Variants in HCN1 observed in about 807,000 individuals in gnomAD.
HCN1 encodes potassium/sodium hyperpolarization-activated cyclic nucleotide-gated channel 1.
Under a neutral mutation model 78.9 loss-of-function variants are expected in HCN1, and 13 were observed. That is an observed-to-expected ratio of 0.16 (90% CI 0.11 to 0.26). The LOEUF (loss-of-function observed/expected upper bound fraction) is 0.26. Among genes scored for constraint, HCN1 ranks in the 10% least tolerant of loss-of-function variants. The pLI is 1.00. For synonymous variants in HCN1, 552 were observed against 455.5 expected (o/e 1.21, Z -2.70); for missense variants, 810 against 1,154.3 (o/e 0.70, Z 4.32).
Position 45,256,260 on chromosome 5 carries a change from C to A in HCN1, c.*5661G>T, listed in dbSNP as rs542381904. 6.6e-6 allele frequency: 1 copy of A among 151,820 alleles called. No individual in the cohort carries two copies. The highest frequency in any genetic ancestry group is 2.4e-5 in the African/African-American group (1 of 41,392). 9.4% of individuals were successfully genotyped at this position (151,820 alleles called of 1,614,324 possible). On this transcript the variant is annotated 3_prime_UTR_variant, in exon 8 of 8. Coordinates refer to ENST00000303230, the MANE Select transcript of HCN1 (RefSeq NM_021072.4). ...TGGTGGCGGGCACCTGTAATCCCAG[C>A]TACTCTGGAGGCTGATGCAGGAGAA...
At chr5:45,313,811 T>C (rs1375237782) in intron 5 of HCN1, among the ~76,000 whole-genome samples, 1 of 151,994 alleles carries the variant, frequency 6.6e-6, no homozygotes. Context: ...AAGAGAAGTT[T>C]AGAGAAAGAA....
chr5:45,508,316 T>C (rs758377982), intron 2 of HCN1, among the ~76,000 whole-genome samples: 1 of 152,094 alleles, frequency 6.6e-6, no homozygotes, highest in African/African-American at 2.4e-5. Context: ...CCACCTGTTT[T>C]ACAATCCAGG....
intron 2 of HCN1, among the ~76,000 whole-genome samples, chr5:45,593,569 G>C (rs1744429116): frequency 6.6e-6 from 1 of 151,876 alleles, no homozygotes; most frequent in Non-Finnish European, 1.5e-5. Flanking sequence ...CCTTGTTACT[G>C]CCAATATGAA....
intron 4 of HCN1, among the ~76,000 whole-genome samples, chr5:45,391,079 T>C (rs548510631): frequency 7.3e-6 from 1 of 137,242 alleles, no homozygotes; most frequent in East Asian, 1.9e-4. Flanking sequence ...TGCTGTAGCC[T>C]AATAAAAAAT....
At chr5:45,372,806 A>G (rs1377789305) in intron 4 of HCN1, among the ~76,000 whole-genome samples, 1 of 141,418 alleles carries the variant, frequency 7.1e-6, no homozygotes, top group African/African-American at 2.6e-5. Context: ...TACGTATTCT[A>G]TACACAAATA....
intron 2 of HCN1, among the ~76,000 whole-genome samples, chr5:45,510,769 A>C (rs1429498143): frequency 1.3e-5 from 2 of 152,104 alleles, no homozygotes; most frequent in African/African-American, 4.8e-5. Flanking sequence ...GAGTAGAAGA[A>C]GGGTATGTCT....
intron 3 of HCN1, among the ~76,000 whole-genome samples, chr5:45,428,137 A>G (rs906256898): frequency 1.3e-5 from 2 of 152,074 alleles, no homozygotes; most frequent in African/African-American, 2.4e-5. Context: ...ACATTAAAAG[A>G]ATTAAATAAG....
chr5:45,355,955 G>GCTTTTT (rs528374782), intron 4 of HCN1, among the ~76,000 whole-genome samples: 1 of 151,936 alleles, frequency 6.6e-6, no homozygotes, highest in Non-Finnish European at 1.5e-5. Flanking sequence ...AAAAACAGGA[G>GCTTTTT]CTTTTTCTTT....
intron 1 of HCN1, among the ~76,000 whole-genome samples, chr5:45,654,779 A>C (rs1398967023): frequency 6.6e-6 from 1 of 152,204 alleles, no homozygotes; most frequent in African/African-American, 2.4e-5. Flanking sequence ...AATTATGAAA[A>C]GAAAATAGTG....
chr5:45,317,636 A>C (rs540258496), intron 5 of HCN1, among the ~76,000 whole-genome samples: 280 of 152,276 alleles, frequency 1.8e-3, no homozygotes, highest in African/African-American at 6.3e-3. Flanking sequence ...CAACCTACAG[A>C]ATGGGAGAAA....
chr5:45,512,519 CAAT>C (rs1049398139), intron 2 of HCN1, among the ~76,000 whole-genome samples: 4 of 151,746 alleles, frequency 2.6e-5, no homozygotes, highest in African/African-American at 9.7e-5. Flanking sequence ...ATCATCTAGT[CAAT>C]AATTTAAATA....
intron 1 of HCN1, among the ~76,000 whole-genome samples, chr5:45,694,002 TGGG>T (rs1739959254): frequency 6.6e-6 from 1 of 152,168 alleles, no homozygotes; most frequent in Non-Finnish European, 1.5e-5. Context: ...ATATTTCCAT[TGGG>T]GACTGAGGAA....
chr5:45,530,178 T>A (rs1360756388), intron 2 of HCN1, among the ~76,000 whole-genome samples: 7 of 152,034 alleles, frequency 4.6e-5, no homozygotes, highest in Non-Finnish European at 8.8e-5. Flanking sequence ...GCTTCTCAGC[T>A]CTTTTTTTCA....
At chr5:45,572,951 T>C (rs1561205881) in intron 2 of HCN1, among the ~76,000 whole-genome samples, 1 of 152,172 alleles carries the variant, frequency 6.6e-6, no homozygotes, top group Non-Finnish European at 1.5e-5. Flanking sequence ...ACATTTCATT[T>C]TTTTTAAGGT....
chr5:45,625,720 G>C (rs1407724688), intron 2 of HCN1, among the ~76,000 whole-genome samples: 1 of 151,528 alleles, frequency 6.6e-6, no homozygotes, highest in South Asian at 2.1e-4. Context: ...GATCAATTCA[G>C]TGCGAATAAA....
chr5:45,598,100 A>C (rs1307590594), intron 2 of HCN1, among the ~76,000 whole-genome samples: 1 of 152,224 alleles, frequency 6.6e-6, no homozygotes, highest in East Asian at 1.9e-4. Context: ...AAGAGCCTGC[A>C]TTGCCAAGAC....
At chr5:45,582,328 TG>T (rs1201365960) in intron 2 of HCN1, among the ~76,000 whole-genome samples, 1 of 152,142 alleles carries the variant, frequency 6.6e-6, no homozygotes, top group Non-Finnish European at 1.5e-5. Flanking sequence ...GTTTGTCTGT[TG>T]TTGGTGTATA....
chr5:45,262,323 T>G lies in HCN1; in HGVS notation c.2271A>C (p.Thr757=), dbSNP rs1241849862. The change falls in exon 8 of 8, where the codon ACA becomes ACC. Residue 757 remains threonine (T), a synonymous_variant. Coordinates refer to ENST00000303230, the MANE Select transcript of HCN1 (RefSeq NM_021072.4). The part of the protein sequence containing the change: ...QPQQPSPQPQ[T]PGSSTPKNEV... ...CATTTTTCGGCGTGGAGCTGCCAGG[T>G]GTCTGTGGCTGCGGGGACGGCTGCT... The G allele has an allele frequency of 1.2e-6, 2 of 1,613,660 alleles. No homozygotes were observed. The highest frequency in any genetic ancestry group is 8.5e-7 in the Non-Finnish European group (1 of 1,179,982).
chr5:45,648,393 C>T (rs1425133462), intron 1 of HCN1, among the ~76,000 whole-genome samples: 1 of 151,500 alleles, frequency 6.6e-6, no homozygotes, highest in African/African-American at 2.4e-5. Flanking sequence ...GGTCTGAAGC[C>T]ATTAGATATC....
Sources: allele counts gnomAD v4.1 joint callset (sites outside exome capture counted in the v4.1 genomes callset), GRCh38; gene constraint gnomAD v4.1.1; transcripts MANE v1.5; gene names NCBI Gene and HGNC (gene_info 2026-07-23, HGNC 2026-07-21).